The following CHLSN variants were observed in gnomAD, a reference collection of about 807,000 sequenced individuals.
CHLSN encodes cholesin.
At chr7:1,092,733 G>A in the CHLSN span, 1 of 1,613,618 alleles carries the variant, frequency 6.2e-7, no homozygotes, top group South Asian at 1.1e-5. Flanking sequence ...GGGACAAGCT[G>A]AGGCTGTACA....
At chr7:992,540 G>A in the CHLSN span, among the ~76,000 whole-genome samples, 1 of 152,238 alleles carries the variant, frequency 6.6e-6, no homozygotes, top group Non-Finnish European at 1.5e-5. Flanking sequence ...CACACCCACA[G>A]GGAACACACA....
chr7:1,126,359 C>CAAAAA, the CHLSN span, among the ~76,000 whole-genome samples: 8 of 40,510 alleles, frequency 2.0e-4, no homozygotes, highest in African/African-American at 6.5e-4. Context: ...GACTCTGTCT[C>CAAAAA]AAAAAAAAAA....
the CHLSN span, chr7:1,092,467 C>A: frequency 6.2e-7 from 1 of 1,608,028 alleles, no homozygotes. Context: ...GGCGCACCGG[C>A]ACCGTGGGCT....
the CHLSN span, among the ~76,000 whole-genome samples, chr7:1,136,319 C>CATAAATATATAAATATAT: frequency 0.01 from 840 of 83,952 alleles, 20 homozygotes; most frequent in East Asian, 0.028. Context: ...TATATATAAA[C>CATAAATATATAAATATAT]ATAAATATAT....
chr7:1,088,354 C>G, the CHLSN span: 4 of 152,336 alleles, frequency 2.6e-5, no homozygotes, highest in Non-Finnish European at 5.9e-5. The surrounding 1 kb of genome is among the most constrained non-coding windows in gnomAD (Gnocchi z 4.5). Context: ...CGGTGCCATA[C>G]CACTGACTAG....
chr7:1,130,769 A>C, the CHLSN span, among the ~76,000 whole-genome samples: 1 of 152,200 alleles, frequency 6.6e-6, no homozygotes, highest in Admixed American at 6.5e-5. Flanking sequence ...ACAGGAGCTC[A>C]ACAACCAGCA....
the CHLSN span, among the ~76,000 whole-genome samples, chr7:1,112,335 G>T: frequency 6.6e-6 from 1 of 152,236 alleles, no homozygotes; most frequent in East Asian, 1.9e-4. Context: ...AGAGATGAGA[G>T]AGGCCGGCCG....
the CHLSN span, among the ~76,000 whole-genome samples, chr7:991,308 C>T: frequency 6.6e-6 from 1 of 152,202 alleles, no homozygotes; most frequent in Non-Finnish European, 1.5e-5. Context: ...CCCATCTCAC[C>T]CAGCGAGATG....
chr7:1,000,438 CAGG>C, the CHLSN span: 2 of 1,080,154 alleles, frequency 1.9e-6, 1 homozygote, highest in African/African-American at 3.4e-5. Context: ...CCTCAGCCCC[CAGG>C]AGACGTGCCT....
the CHLSN span, among the ~76,000 whole-genome samples, chr7:1,090,915 A>C: frequency 1.3e-5 from 2 of 152,184 alleles, no homozygotes; most frequent in Admixed American, 6.5e-5. Flanking sequence ...AAACCGCTGA[A>C]CTTCTGTTTT....
chr7:1,079,649 G>A, the CHLSN span, among the ~76,000 whole-genome samples: 1 of 152,198 alleles, frequency 6.6e-6, no homozygotes, highest in African/African-American at 2.4e-5. Context: ...AGTGGCAGGG[G>A]CAGCAGCTCC....
chr7:992,273 G>A, the CHLSN span, among the ~76,000 whole-genome samples: 1 of 152,186 alleles, frequency 6.6e-6, no homozygotes, highest in Admixed American at 6.5e-5. Flanking sequence ...TGGGTCTGAG[G>A]CTGGCCCTCA....
chr7:1,103,764 C>T, the CHLSN span, among the ~76,000 whole-genome samples: 1 of 152,230 alleles, frequency 6.6e-6, no homozygotes, highest in Non-Finnish European at 1.5e-5. Flanking sequence ...TGGCATCTCC[C>T]CAGCCCCTGA....
At chr7:999,977 C>T in the CHLSN span, among the ~76,000 whole-genome samples, 17 of 152,354 alleles carry the variant, frequency 1.1e-4, no homozygotes, top group African/African-American at 3.6e-4. Context: ...TGTAGACACA[C>T]ATCACGCGCA....
At chr7:1,099,047 C>A in the CHLSN span, among the ~76,000 whole-genome samples, 55 of 152,284 alleles carry the variant, frequency 3.6e-4, no homozygotes, top group Non-Finnish European at 2.1e-4. Context: ...TGTGTTCCTG[C>A]AGCTGGCCTT....
the CHLSN span, among the ~76,000 whole-genome samples, chr7:988,002 G>GGGGGCTCCCCTCTGTGTGTCCT: frequency 1.0e-5 from 1 of 97,896 alleles, no homozygotes; most frequent in Admixed American, 1.0e-4. Context: ...TGTGTGTCCT[G>GGGGGCTCCCCTCTGTGTGTCCT]GGGGGTCCCC....
the CHLSN span, among the ~76,000 whole-genome samples, chr7:1,108,895 A>ATTTTTTT: frequency 2.2e-4 from 28 of 129,506 alleles, no homozygotes; most frequent in African/African-American, 7.4e-4. Context: ...TCTCCCAGGC[A>ATTTTTTT]TTTTTTTTTT....
the CHLSN span, among the ~76,000 whole-genome samples, chr7:1,040,283 G>C: frequency 6.6e-6 from 1 of 151,612 alleles, no homozygotes; most frequent in Non-Finnish European, 1.5e-5. Flanking sequence ...TTGAGGCCAG[G>C]AGTTTGAGAC....
At chr7:1,008,445 G>A in the CHLSN span, among the ~76,000 whole-genome samples, 9 of 152,172 alleles carry the variant, frequency 5.9e-5, no homozygotes, top group African/African-American at 2.2e-4. Context: ...AGAGCTCTTG[G>A]GGTAGCCCTG....
Sources: allele counts gnomAD v4.1 joint callset (sites outside exome capture counted in the v4.1 genomes callset), GRCh38; gene constraint gnomAD v4.1.1; non-coding constraint Gnocchi (gnomAD v3.1); transcripts MANE v1.5; gene names NCBI Gene and HGNC (gene_info 2026-07-23, HGNC 2026-07-21).